Variants in UNC13C observed in about 807,000 individuals in gnomAD.
The protein encoded by UNC13C is unc-13 homolog C, also known as protein unc-13 homolog C.
A neutral mutation model predicts 245.4 loss-of-function variants in UNC13C; 174 were observed. The ratio of observed to expected loss-of-function variants is 0.71; its 90% CI spans 0.63 to 0.80. The LOEUF (loss-of-function observed/expected upper bound fraction) is 0.80. UNC13C is among the 30% of genes least tolerant of loss of function. The probability of loss-of-function intolerance (pLI) is 0.00; values close to 1 mark genes in which losing one functional copy is unlikely to be tolerated. For synonymous variants in UNC13C, 992 were observed against 895.1 expected (o/e 1.11, Z -1.93); for missense variants, 2,829 against 2,602.9 (o/e 1.09, Z -1.89).
chr15:53,840,386 A>C, the UNC13C span, among the ~76,000 whole-genome samples: 1 of 152,104 alleles, frequency 6.6e-6, no homozygotes, highest in East Asian at 1.9e-4. Context: ...GAGCGCTTGC[A>C]ATGGAGTTTG....
intron 19 of UNC13C, among the ~76,000 whole-genome samples, chr15:54,428,193 C>A (rs1175888797): frequency 6.6e-6 from 1 of 151,734 alleles, no homozygotes; most frequent in Non-Finnish European, 1.5e-5. Flanking sequence ...TCTACTGTTT[C>A]TTTGTTTTGA....
intron 30 of UNC13C, among the ~76,000 whole-genome samples, chr15:54,569,940 C>A (rs539752560): frequency 6.6e-6 from 1 of 152,166 alleles, no homozygotes; most frequent in South Asian, 2.1e-4. Flanking sequence ...CGCCCAGCTG[C>A]CCTCACCAGA....
At chr15:54,285,714 T>C (rs2037127177) in intron 10 of UNC13C, among the ~76,000 whole-genome samples, 1 of 152,146 alleles carries the variant, frequency 6.6e-6, no homozygotes, top group South Asian at 2.1e-4. Flanking sequence ...ACTACATTTT[T>C]TATTGTAACA....
chr15:54,452,877 A>G lies in UNC13C; in HGVS notation c.4933+37810A>G, dbSNP rs1270326797. Among the ~76,000 whole-genome samples, 7 of 152,320 alleles carry G rather than the reference A, an allele frequency of 4.6e-5. No homozygotes were observed. The South Asian group carries it at 1.5e-3, about 32-fold the overall frequency. On this transcript the variant is annotated intron_variant, in intron 19 of 32. Coordinates refer to ENST00000260323, the MANE Select transcript of UNC13C (RefSeq NM_001080534.3). ...GCACAGCAGCCCTTCTTTCTGGGAA[A>G]ATAGAGTTGCTGCCAGTGGCTCACA...
intron 4 of UNC13C, among the ~76,000 whole-genome samples, chr15:54,176,064 T>G (rs2033602935): frequency 6.6e-6 from 1 of 152,088 alleles, no homozygotes; most frequent in African/African-American, 2.4e-5. Context: ...TCTTTTTTTG[T>G]TGCTTGTGGT....
At chr15:54,084,716 A>G (rs920973529) in intron 2 of UNC13C, among the ~76,000 whole-genome samples, 4 of 152,166 alleles carry the variant, frequency 2.6e-5, no homozygotes, top group African/African-American at 9.7e-5. Flanking sequence ...ATGCTAAGGG[A>G]TCCACAAATA....
At chr15:53,874,217 T>C in the UNC13C span, among the ~76,000 whole-genome samples, 1 of 152,112 alleles carries the variant, frequency 6.6e-6, no homozygotes, top group East Asian at 1.9e-4. Flanking sequence ...GTAAAAATAA[T>C]AGCTAGATTT....
the UNC13C span, among the ~76,000 whole-genome samples, chr15:53,845,651 A>C: frequency 3.9e-5 from 6 of 152,172 alleles, no homozygotes; most frequent in Non-Finnish European, 7.3e-5. Context: ...CTTATTAATT[A>C]TGTGTTGTAT....
chr15:54,248,492 A>G (rs767104878), intron 7 of UNC13C, among the ~76,000 whole-genome samples: 2 of 152,216 alleles, frequency 1.3e-5, no homozygotes, highest in African/African-American at 2.4e-5. Flanking sequence ...ACATGCTTCT[A>G]ATTCTCAAAG....
At position 54,628,136 on chromosome 15, in the gene UNC13C, G is replaced by A. The variant is rs1252588163; in HGVS notation, c.*1023G>A. 6.6e-6 allele frequency: 1 copy of A among 152,040 alleles called. No homozygotes were observed. The highest frequency in any genetic ancestry group is 1.5e-5 in the Non-Finnish European group (1 of 67,978). The allele number at this position is 152,040 out of a possible 1,614,324, so 9.4% of individuals were successfully genotyped here. A position where few individuals can be genotyped will look rare whatever the true frequency, so the allele number is the denominator to read the frequency against. The stretch of plus-strand genomic sequence containing the variant: ...AAAATTTTGTAATTTGTATTTATAA[G>A]CCCCAAATGCATCAAATGCAGTAGG... On this transcript the variant is annotated 3_prime_UTR_variant, in exon 33 of 33. Coordinates refer to ENST00000260323, the MANE Select transcript of UNC13C (RefSeq NM_001080534.3).
intron 19 of UNC13C, among the ~76,000 whole-genome samples, chr15:54,452,348 G>C (rs1050532271): frequency 1.3e-5 from 2 of 152,128 alleles, no homozygotes; most frequent in Non-Finnish European, 2.9e-5. Flanking sequence ...CAGTTATAGT[G>C]GTGGCTCAAT....
At chr15:54,119,764 T>C (rs921152653) in intron 2 of UNC13C, among the ~76,000 whole-genome samples, 1 of 152,162 alleles carries the variant, frequency 6.6e-6, no homozygotes, top group African/African-American at 2.4e-5. Context: ...CTTCAGTGAA[T>C]ACACAAATGA....
intron 7 of UNC13C, among the ~76,000 whole-genome samples, chr15:54,239,413 C>A (rs1342323130): frequency 2.6e-5 from 4 of 152,110 alleles, no homozygotes; most frequent in Admixed American, 2.0e-4. Flanking sequence ...TAATTGCATT[C>A]TCAGAGTATT....
chr15:54,579,074 T>C lies in UNC13C; in HGVS notation c.6106+11127T>C, dbSNP rs1468144886. 3.9e-5 allele frequency among the ~76,000 whole-genome samples: 6 copies of C among 152,244 alleles called. No homozygotes were observed. The East Asian group carries it at 9.7e-4, about 24-fold the overall frequency. On this transcript the variant is annotated intron_variant, in intron 30 of 32. Transcript: ENST00000260323. ...ATGGCATGGGGCTTGGATGGTGGAA[T>C]AGTGACAAAGAAATATGGGCAGACT...
chr15:54,594,058 G>C (rs768891842), intron 30 of UNC13C, among the ~76,000 whole-genome samples: 3 of 152,176 alleles, frequency 2.0e-5, no homozygotes, highest in Non-Finnish European at 4.4e-5. Flanking sequence ...TGTGGATGTG[G>C]CTTCCTGTGA....
At chr15:54,555,854 C>T (rs1897067773) in intron 29 of UNC13C, among the ~76,000 whole-genome samples, 1 of 151,988 alleles carries the variant, frequency 6.6e-6, no homozygotes, top group Non-Finnish European at 1.5e-5. Context: ...CCCTAAAACC[C>T]AGATAAACAG....
chr15:54,522,540 C>G (rs1895268656), intron 24 of UNC13C, among the ~76,000 whole-genome samples: 1 of 151,998 alleles, frequency 6.6e-6, no homozygotes, highest in Non-Finnish European at 1.5e-5. Flanking sequence ...GCTGGCTCTC[C>G]CAGACAAGTT....
chr15:54,175,604 C>G (rs1199351926), intron 4 of UNC13C, among the ~76,000 whole-genome samples: 1 of 151,366 alleles, frequency 6.6e-6, no homozygotes, highest in Non-Finnish European at 1.5e-5. Flanking sequence ...GCTCCGCCTC[C>G]CGGGTTCACG....
chr15:54,015,842 A>C lies in UNC13C; in HGVS notation c.2939A>C (p.Tyr980Ser). ...TTCAAAGAAGCAGCTTTAAGGGCCT[A>C]TAAAAAGCAAATGGCAGAGTTGGAA... The part of the protein sequence containing the change: ...PSFKEAALRA[Y>S]KKQMAELEEK... Residue 980 changes from tyrosine (Y) to serine (S), a missense_variant, in exon 2 of 33, where the codon TAT becomes TCT. Coordinates refer to ENST00000260323, the MANE Select transcript of UNC13C (RefSeq NM_001080534.3). The C allele has an allele frequency of 2.5e-6, 4 of 1,605,042 alleles. No individual in the cohort carries two copies. The highest frequency in any genetic ancestry group is 3.4e-6 in the Non-Finnish European group (4 of 1,176,470).
Sources: allele counts gnomAD v4.1 joint callset (sites outside exome capture counted in the v4.1 genomes callset), GRCh38; gene constraint gnomAD v4.1.1; transcripts MANE v1.5; gene names NCBI Gene and HGNC (gene_info 2026-07-23, HGNC 2026-07-21).